The following BTBD8 variants were observed in gnomAD, a reference collection of about 807,000 sequenced individuals.
The protein encoded by BTBD8 is BTB/POZ domain-containing protein 8.
BTBD8 carries 110 observed loss-of-function variants against 162.9 expected under a neutral mutation model. That is an observed-to-expected ratio of 0.68 (90% CI 0.58 to 0.79). The LOEUF is 0.79. BTBD8 is among the 30% of genes least tolerant of loss of function. BTBD8 has a pLI of 0.00. For missense variants in BTBD8, 1,905 were observed against 2,085.4 expected, an observed-to-expected ratio of 0.91 and a Z score of 1.68; for synonymous variants, 667 against 716.1, an observed-to-expected ratio of 0.93 and a Z score of 1.10.
chr1:92,080,836 C>T, intron 1 of BTBD8, 116 bp downstream of exon 1: 5 of 1,465,184 alleles, frequency 3.4e-6, no homozygotes, highest in Non-Finnish European at 3.6e-6. Context: ...TTCTCCTCGC[C>T]TCAGGCGACT....
At chr1:92,131,649 G>T (rs1053270895) in intron 5 of BTBD8, among the ~76,000 whole-genome samples, 14 of 151,914 alleles carry the variant, frequency 9.2e-5, no homozygotes, top group Admixed American at 7.9e-4. Context: ...GCTTGAACTG[G>T]GGAGGCAGAG....
chr1:92,112,234 AC>A lies in BTBD8; in HGVS notation c.662+4237del, dbSNP rs370327092. ...AGACCAGCCTAAGCAACAAAGCAAGACCCCATCTCTACAAAAAAATTTAGCT... is the reference window on the plus strand; with the variant it reads ...AGACCAGCCTAAGCAACAAAGCAAGACCCATCTCTACAAAAAAATTTAGCT... On this transcript the variant is annotated intron_variant, in intron 4 of 17. Coordinates refer to ENST00000636805, the MANE Select transcript of BTBD8 (RefSeq NM_001376131.1). 5.0e-3 allele frequency among the ~76,000 whole-genome samples: 765 copies of A among 152,098 alleles called. 2 individuals are homozygous for A. Among genetic ancestry groups the A allele is most frequent in the African/African-American group, 0.018 (731 of 41,482 alleles).
At chr1:92,183,770 T>TTTTA in intron 17 of BTBD8, 94 bp from the exon 18 acceptor site, 1 of 563,994 alleles carries the variant, frequency 1.8e-6, no homozygotes, top group Non-Finnish European at 2.8e-6. Flanking sequence ...TTTTTTTTTT[T>TTTTA]GACTATCACT....
chr1:92,100,800 G>A (rs752380784), intron 2 of BTBD8, among the ~76,000 whole-genome samples: 2 of 151,994 alleles, frequency 1.3e-5, no homozygotes, highest in African/African-American at 2.4e-5. Context: ...TAGTAGAGAC[G>A]GGGTTTCACC....
intron 4 of BTBD8, among the ~76,000 whole-genome samples, chr1:92,118,398 A>G (rs1649102444): frequency 6.7e-6 from 1 of 149,444 alleles, no homozygotes; most frequent in Admixed American, 6.7e-5. Flanking sequence ...TTCATGGATT[A>G]TGGGTTTGGG....
At chr1:92,140,917 T>G (rs181171272) in intron 6 of BTBD8, among the ~76,000 whole-genome samples, 198 bp from the exon 7 acceptor site, 1 of 152,274 alleles carries the variant, frequency 6.6e-6, no homozygotes, top group Admixed American at 6.5e-5. Context: ...TCAAATCATG[T>G]GTCAGTGCTT....
At chr1:92,115,205 C>T in intron 4 of BTBD8, 1 of 516,572 alleles carries the variant, frequency 1.9e-6, no homozygotes, top group Non-Finnish European at 3.8e-6. Context: ...TTCTGGAGAG[C>T]CCCATAGCCA....
At chr1:92,093,996 A>C (rs1648384326) in intron 2 of BTBD8, among the ~76,000 whole-genome samples, 3 of 152,242 alleles carry the variant, frequency 2.0e-5, no homozygotes, top group Admixed American at 6.5e-5. Context: ...AAAAGATTGA[A>C]TTAGACCCAG....
At chr1:92,104,217 A>T (rs1341512144) in intron 3 of BTBD8, among the ~76,000 whole-genome samples, 2 of 152,192 alleles carry the variant, frequency 1.3e-5, no homozygotes, top group Admixed American at 1.3e-4. Flanking sequence ...GTATTTGAAA[A>T]TATTTTTTGG....
chr1:92,161,907 A>G (rs1455350223), intron 9 of BTBD8, among the ~76,000 whole-genome samples: 2 of 152,184 alleles, frequency 1.3e-5, no homozygotes, highest in Non-Finnish European at 2.9e-5. Context: ...AAGTTTCACA[A>G]AAGATCTCTT....
At chr1:92,081,157 G>T (rs141134254) in intron 1 of BTBD8, among the ~76,000 whole-genome samples, 1 of 152,254 alleles carries the variant, frequency 6.6e-6, no homozygotes, top group Non-Finnish European at 1.5e-5. Context: ...CTATAGTCTT[G>T]GAGGTCTCTT....
chr1:92,172,819 G>A (rs759313998), intron 13 of BTBD8, among the ~76,000 whole-genome samples: 8 of 152,344 alleles, frequency 5.3e-5, no homozygotes, highest in Non-Finnish European at 7.3e-5. Context: ...TGGGAGACTG[G>A]AGTTTTTGCC....
chr1:92,091,262 A>G (rs1648289685), intron 2 of BTBD8, among the ~76,000 whole-genome samples: 1 of 152,130 alleles, frequency 6.6e-6, no homozygotes, highest in Non-Finnish European at 1.5e-5. Context: ...TCCTCCGGCC[A>G]TGTAAGACAT....
At chr1:92,126,535 C>A (rs767372584) in intron 4 of BTBD8, 4 of 531,636 alleles carry the variant, frequency 7.5e-6, no homozygotes, top group South Asian at 3.1e-5. Context: ...GCTTTATTTT[C>A]GCTATTTGCA....
chr1:92,084,741 G>A (rs1282608788), intron 1 of BTBD8, among the ~76,000 whole-genome samples: 1 of 152,112 alleles, frequency 6.6e-6, no homozygotes, highest in African/African-American at 2.4e-5. Context: ...AGCCTCTGGA[G>A]CCTGGTGCCT....
intron 4 of BTBD8, among the ~76,000 whole-genome samples, chr1:92,129,229 T>A (rs1295791551): frequency 6.6e-6 from 1 of 152,128 alleles, no homozygotes; most frequent in East Asian, 1.9e-4. Flanking sequence ...AAATGCTTAG[T>A]TATAAATCCC....
intron 16 of BTBD8, among the ~76,000 whole-genome samples, chr1:92,178,831 G>A (rs1229051043): frequency 2.0e-5 from 3 of 151,982 alleles, no homozygotes; most frequent in Non-Finnish European, 2.9e-5. Context: ...AATAATTAAG[G>A]GAGTCACTAA....
intron 4 of BTBD8, chr1:92,125,556 T>C: frequency 3.5e-6 from 1 of 283,236 alleles, no homozygotes; most frequent in Non-Finnish European, 7.1e-6. Context: ...TCTCTCCTCC[T>C]CCACCCAACC....
chr1:92,091,226 T>C (rs1648288268), intron 2 of BTBD8, among the ~76,000 whole-genome samples: 1 of 152,130 alleles, frequency 6.6e-6, no homozygotes, highest in Admixed American at 6.5e-5. Flanking sequence ...TAGCACCTCC[T>C]CCTTGTTCTC....
Sources: allele counts gnomAD v4.1 joint callset (sites outside exome capture counted in the v4.1 genomes callset), GRCh38; gene constraint gnomAD v4.1.1; transcripts MANE v1.5; gene names NCBI Gene and HGNC (gene_info 2026-07-23, HGNC 2026-07-21).